Variants in MYT1L observed in about 807,000 individuals in gnomAD.
MYT1L encodes myelin transcription factor 1 like, also known as myelin transcription factor 1-like protein.
In MYT1L, 12 loss-of-function variants were observed where a neutral mutation model predicts 126.7. The ratio of observed to expected loss-of-function variants is 0.09; its 90% confidence interval spans 0.06 to 0.15. The LOEUF (loss-of-function observed/expected upper bound fraction) is 0.15. Ranked by LOEUF, MYT1L falls within the 10% of genes least tolerant of loss-of-function variation. MYT1L has a pLI of 1.00. For missense variants in MYT1L, 979 were observed against 1,585.2 expected, an observed-to-expected ratio of 0.62 and a Z score of 6.49; for synonymous variants, 541 against 604.2, an observed-to-expected ratio of 0.90 and a Z score of 1.53.
intron 3 of MYT1L, among the ~76,000 whole-genome samples, chr2:2,066,278 C>G (rs1157762082): frequency 2.0e-5 from 3 of 152,174 alleles, no homozygotes; most frequent in Non-Finnish European, 4.4e-5. Flanking sequence ...TGCTGGGCAC[C>G]AGGTGTGTTC....
intron 1 of MYT1L, among the ~76,000 whole-genome samples, chr2:2,284,968 A>G (rs537653747): frequency 2.6e-5 from 4 of 152,272 alleles, no homozygotes; most frequent in South Asian, 2.1e-4. Flanking sequence ...CGCCCACCTT[A>G]GCCTCCCAAA....
At chr2:2,044,123 A>T (rs1221700209) in intron 4 of MYT1L, among the ~76,000 whole-genome samples, 1 of 152,186 alleles carries the variant, frequency 6.6e-6, no homozygotes, top group African/African-American at 2.4e-5. Flanking sequence ...ATGTACATAC[A>T]TGTTCTGTTA....
intron 4 of MYT1L, among the ~76,000 whole-genome samples, chr2:2,029,857 CA>C (rs1247199657): frequency 2.0e-5 from 3 of 152,046 alleles, no homozygotes; most frequent in Non-Finnish European, 4.4e-5. Context: ...TTGTCAAAGT[CA>C]AAAAATAATA....
intron 8 of MYT1L, among the ~76,000 whole-genome samples, chr2:1,946,538 C>G (rs951861703): frequency 6.6e-6 from 1 of 152,018 alleles, no homozygotes; most frequent in African/African-American, 2.4e-5. Flanking sequence ...AATTTGGATG[C>G]CACTTTTTAA....
chr2:1,834,326 A>C (rs764843716), intron 21 of MYT1L, among the ~76,000 whole-genome samples: 1 of 152,216 alleles, frequency 6.6e-6, no homozygotes, highest in Non-Finnish European at 1.5e-5. Flanking sequence ...GCTTCCAAGG[A>C]AAGAGAAATG....
intron 2 of MYT1L, among the ~76,000 whole-genome samples, chr2:2,190,117 G>A (rs1011694587): frequency 6.6e-6 from 1 of 151,994 alleles, no homozygotes; most frequent in East Asian, 1.9e-4. Flanking sequence ...CCATGTTTAG[G>A]GCCCTGATTT....
At chr2:2,327,697 G>T (rs1432000989) in intron 1 of MYT1L, among the ~76,000 whole-genome samples, 1 of 152,112 alleles carries the variant, frequency 6.6e-6, no homozygotes, top group East Asian at 1.9e-4. Flanking sequence ...GGAAACACTG[G>T]TTATTGATTG....
rs1183618608 is a variant in MYT1L, at chr2:1,789,664, G to C, written c.*2203C>G. The C allele has an allele frequency of 6.6e-6, 1 of 152,136 alleles. No homozygotes were observed. The highest frequency in any genetic ancestry group is 2.1e-4 in the South Asian group (1 of 4,826). The allele number at this position is 152,136 out of a possible 1,614,324, so 9.4% of individuals were successfully genotyped here. ...TTGGCAAAGAAGCTGCAGACACAAC[G>C]CGGTGGGGAAATGCATATGCTGTTA... is the stretch of plus-strand genomic sequence containing the variant. On this transcript the variant is annotated 3_prime_UTR_variant, in exon 25 of 25. Transcript: ENST00000647738.
At chr2:1,990,791 C>T (rs1362748951) in intron 5 of MYT1L, among the ~76,000 whole-genome samples, 5 of 152,194 alleles carry the variant, frequency 3.3e-5, no homozygotes, top group South Asian at 2.1e-4. Context: ...CAGGCCCAGT[C>T]GTCTAGAGCC....
rs577040938 is a variant in MYT1L, at chr2:1,825,919, G to C, written c.3080+13230C>G. On this transcript the variant is annotated intron_variant, in intron 21 of 24. Transcript: ENST00000647738. ...AACACAGTATAGTCATTGCCCCCAT[G>C]ATGGGGTGACATCCTATGAGACCCC... is the stretch of plus-strand genomic sequence containing the variant. The C allele has an allele frequency of 3.9e-5, 6 of 152,354 alleles. No homozygotes were observed. In the East Asian group the frequency reaches 9.7e-4, roughly 25 times the overall value. The allele number at this position is 152,354 out of a possible 1,614,324, so 9.4% of individuals were successfully genotyped here.
At chr2:2,159,427 A>C (rs764998756) in intron 3 of MYT1L, among the ~76,000 whole-genome samples, 7 of 152,036 alleles carry the variant, frequency 4.6e-5, no homozygotes, top group Non-Finnish European at 1.0e-4. Flanking sequence ...AGGCGCTCAA[A>C]CCAAAAGCTC....
At chr2:2,320,478 GAAAAAA>G (rs111423007) in intron 1 of MYT1L, among the ~76,000 whole-genome samples, 4 of 130,986 alleles carry the variant, frequency 3.1e-5, no homozygotes, top group African/African-American at 1.1e-4. Context: ...CTAAGTCCTA[GAAAAAA>G]AAAAAAGAAA....
intron 2 of MYT1L, among the ~76,000 whole-genome samples, chr2:2,225,564 T>C (rs535887283): frequency 6.6e-6 from 1 of 152,306 alleles, no homozygotes; most frequent in South Asian, 2.1e-4. Flanking sequence ...CCTCAGTTCA[T>C]GTTCCATAAT....
At chr2:2,295,340 C>T (rs1158022207) in intron 1 of MYT1L, among the ~76,000 whole-genome samples, 4 of 152,292 alleles carry the variant, frequency 2.6e-5, no homozygotes, top group South Asian at 4.1e-4. Flanking sequence ...TCCTGAGAAA[C>T]ATTTCCTCTG....
chr2:2,137,216 CATGCTCATGGGTGGGAAGA>C (rs2083190787), intron 3 of MYT1L, among the ~76,000 whole-genome samples: 1 of 152,190 alleles, frequency 6.6e-6, no homozygotes, highest in African/African-American at 2.4e-5. Flanking sequence ...AAGAACATTC[CATGCTCATGGGTGGGAAGA>C]ATCAATATCG....
At chr2:2,044,265 C>T (rs150179737) in intron 4 of MYT1L, among the ~76,000 whole-genome samples, 2 of 152,222 alleles carry the variant, frequency 1.3e-5, no homozygotes, top group African/African-American at 4.8e-5. Flanking sequence ...ATTTTAGTTA[C>T]AATTAAAGTC....
chr2:2,006,341 CTTGT>C (rs142066522), intron 4 of MYT1L, among the ~76,000 whole-genome samples: 2,524 of 152,206 alleles, frequency 0.017, 59 homozygotes, highest in African/African-American at 0.054. Flanking sequence ...AACAAATTAA[CTTGT>C]TTATCATCTC....
intron 2 of MYT1L, among the ~76,000 whole-genome samples, chr2:2,234,482 A>C (rs1352445312): frequency 6.6e-6 from 1 of 152,204 alleles, no homozygotes; most frequent in Admixed American, 6.5e-5. Flanking sequence ...TGGATACATA[A>C]TATATACCTT....
chr2:2,149,132 C>A (rs1167887924), intron 3 of MYT1L, among the ~76,000 whole-genome samples: 1 of 152,130 alleles, frequency 6.6e-6, no homozygotes, highest in East Asian at 1.9e-4. Context: ...TCCTTCCTCT[C>A]TTTTGTTCTT....
Sources: allele counts gnomAD v4.1 joint callset (sites outside exome capture counted in the v4.1 genomes callset), GRCh38; gene constraint gnomAD v4.1.1; transcripts MANE v1.5; gene names NCBI Gene and HGNC (gene_info 2026-07-23, HGNC 2026-07-21).